Variants in BRAF observed in about 807,000 individuals in gnomAD.
The protein encoded by BRAF is serine/threonine-protein kinase B-raf.
A neutral mutation model predicts 104.6 loss-of-function variants in BRAF; 16 were observed. That is an observed-to-expected ratio of 0.15 (90% CI 0.10 to 0.23). BRAF has a LOEUF of 0.23. Among genes scored for constraint, BRAF ranks in the 10% least tolerant of loss-of-function variants. The probability of loss-of-function intolerance (pLI) is 1.00; values close to 1 mark genes in which losing one functional copy is unlikely to be tolerated. For missense variants in BRAF, 541 were observed against 937.3 expected, an observed-to-expected ratio of 0.58 and a Z score of 5.52; for synonymous variants, 310 against 341.6, an observed-to-expected ratio of 0.91 and a Z score of 1.02.
intron 8 of BRAF, among the ~76,000 whole-genome samples, chr7:140,793,148 C>A (rs1802151485): frequency 6.6e-6 from 1 of 152,146 alleles, no homozygotes; most frequent in African/African-American, 2.4e-5. Context: ...AAAGATGACA[C>A]TCTAAATGAA....
At chr7:140,739,205 A>G (rs147941837) in intron 18 of BRAF, among the ~76,000 whole-genome samples, 1 of 152,244 alleles carries the variant, frequency 6.6e-6, no homozygotes, top group Non-Finnish European at 1.5e-5. Context: ...TGTAATAACA[A>G]TAAGATATCA....
At chr7:140,806,134 T>G (rs1005019682) in intron 5 of BRAF, among the ~76,000 whole-genome samples, 31 of 152,300 alleles carry the variant, frequency 2.0e-4, no homozygotes, top group African/African-American at 7.0e-4. Flanking sequence ...TTCAAAACTT[T>G]GAAAGGTAAC....
chr7:140,715,925 C>A (rs1283096679), downstream of BRAF, among the ~76,000 whole-genome samples: 1 of 152,182 alleles, frequency 6.6e-6, no homozygotes, highest in African/African-American at 2.4e-5. Flanking sequence ...CTTTGCCAAG[C>A]TCATACCTGA....
chr7:140,886,898 C>T (rs1309065434), intron 1 of BRAF, among the ~76,000 whole-genome samples: 1 of 152,162 alleles, frequency 6.6e-6, no homozygotes, highest in Non-Finnish European at 1.5e-5. Context: ...TCTGATTACA[C>T]ATTATACTTT....
chr7:140,891,572 G>C (rs948371260), intron 1 of BRAF, among the ~76,000 whole-genome samples: 4 of 152,142 alleles, frequency 2.6e-5, no homozygotes, highest in Admixed American at 6.6e-5. Flanking sequence ...TGCAGAACTT[G>C]CAGATATGGA....
At chr7:140,726,575 C>A (rs1001762927) in intron 19 of BRAF, 1 of 1,367,622 alleles carries the variant, frequency 7.3e-7, no homozygotes, top group African/African-American at 1.4e-5. Context: ...CCTAGAGACA[C>A]AGAAAAGCCT....
chr7:140,915,043 C>T (rs1255810965), intron 1 of BRAF, among the ~76,000 whole-genome samples: 1 of 87,500 alleles, frequency 1.1e-5, no homozygotes, highest in South Asian at 4.8e-4. Flanking sequence ...AGCGAGACTC[C>T]GTCTCCAAAA....
chr7:140,714,025 G>T, the BRAF span, among the ~76,000 whole-genome samples: 1 of 152,142 alleles, frequency 6.6e-6, no homozygotes, highest in Non-Finnish European at 1.5e-5. Context: ...CGTACTGGGG[G>T]GTGCCTCCCA....
chr7:140,772,911 A>T (rs1337632596), intron 14 of BRAF, among the ~76,000 whole-genome samples: 1 of 152,190 alleles, frequency 6.6e-6, no homozygotes, highest in Non-Finnish European at 1.5e-5. Context: ...AACTACGTTA[A>T]CTCCTTTTAA....
intron 14 of BRAF, among the ~76,000 whole-genome samples, chr7:140,773,116 G>A (rs1463079364): frequency 6.6e-6 from 1 of 152,108 alleles, no homozygotes; most frequent in East Asian, 1.9e-4. Context: ...GGTGGGGTGA[G>A]GCAGGGGAGA....
intron 1 of BRAF, among the ~76,000 whole-genome samples, chr7:140,903,532 C>T (rs1237788665): frequency 6.6e-6 from 1 of 152,150 alleles, no homozygotes; most frequent in Non-Finnish European, 1.5e-5. Context: ...AGAAGATGAA[C>T]GTTTTCTCAC....
Position 140,924,756 on chromosome 7 carries a change from AGGGAGGCGGAGAGCTGG to A in BRAF, c.-70_-54del, listed in dbSNP as rs1306004183. 2 of 665,778 alleles carry A rather than the reference AGGGAGGCGGAGAGCTGG, an allele frequency of 3.0e-6. No homozygotes were observed. The highest frequency in any genetic ancestry group is 1.7e-5 in the South Asian group (1 of 60,460). 41.2% of individuals were successfully genotyped at this position (665,778 alleles called of 1,614,324 possible). ...GGCCGCTGTCGGGCGGGGAGGGGGA[AGGGAGGCGGAGAGCTGG>A]GGGAGGCGGAGGCGGAGGCGGAGGC... On this transcript the variant is annotated 5_prime_UTR_variant, in exon 1 of 20. Transcript: ENST00000644969. This position sits in a 1 kb window ranked among gnomAD's most constrained non-coding sequence, Gnocchi z 4.2.
intron 1 of BRAF, among the ~76,000 whole-genome samples, chr7:140,916,006 C>A (rs1038949675): frequency 6.6e-6 from 1 of 151,764 alleles, no homozygotes; most frequent in Non-Finnish European, 1.5e-5. Flanking sequence ...ACAAAAAAAA[C>A]CCAAGGATTT....
chr7:140,853,945 T>C (rs936805959), intron 1 of BRAF, among the ~76,000 whole-genome samples: 4 of 152,132 alleles, frequency 2.6e-5, no homozygotes, highest in Non-Finnish European at 5.9e-5. Context: ...TAGCATACAA[T>C]AAGCAAACAT....
At chr7:140,876,973 A>T (rs1329243828) in intron 1 of BRAF, among the ~76,000 whole-genome samples, 1 of 152,218 alleles carries the variant, frequency 6.6e-6, no homozygotes, top group South Asian at 2.1e-4. Context: ...CTAGAAATAG[A>T]AAGTTAATAG....
intron 3 of BRAF, among the ~76,000 whole-genome samples, chr7:140,820,698 G>T (rs1805383400): frequency 1.3e-5 from 2 of 152,104 alleles, no homozygotes; most frequent in South Asian, 4.1e-4. Context: ...CCAGCACTAT[G>T]GGAGGCCACA....
chr7:140,779,872 T>C (rs1276539976), intron 12 of BRAF: 1 of 152,142 alleles, frequency 6.6e-6, no homozygotes, highest in South Asian at 2.1e-4. Context: ...GCAGAGGTTG[T>C]AGTGAGTTGA....
intron 2 of BRAF, among the ~76,000 whole-genome samples, chr7:140,836,839 G>C (rs143481248): frequency 1.1e-3 from 169 of 152,184 alleles, no homozygotes; most frequent in African/African-American, 3.8e-3. Flanking sequence ...ATGCAGTCTG[G>C]AACACAAAGG....
At chr7:140,765,804 G>A (rs1446446359) in intron 14 of BRAF, among the ~76,000 whole-genome samples, 1 of 151,852 alleles carries the variant, frequency 6.6e-6, no homozygotes, top group Admixed American at 6.5e-5. Context: ...GAAACAACAG[G>A]TGCTGGAGAG....
Sources: allele counts gnomAD v4.1 joint callset (sites outside exome capture counted in the v4.1 genomes callset), GRCh38; gene constraint gnomAD v4.1.1; non-coding constraint Gnocchi (gnomAD v3.1); transcripts MANE v1.5; gene names NCBI Gene and HGNC (gene_info 2026-07-23, HGNC 2026-07-21).